DYNC1H1: variants seen among roughly 807,000 people sequenced by gnomAD.
The protein encoded by DYNC1H1 is cytoplasmic dynein 1 heavy chain 1.
In DYNC1H1, 51 loss-of-function variants were observed where a neutral mutation model predicts 527.1. The ratio of observed to expected loss-of-function variants is 0.10; its 90% CI spans 0.08 to 0.12. The LOEUF is 0.12. DYNC1H1 is among the 10% of genes least tolerant of loss of function. The pLI is 1.00. For synonymous variants in DYNC1H1, 2,189 were observed against 2,278.8 expected, an observed-to-expected ratio of 0.96 and a Z score of 1.12; for missense variants, 2,771 against 5,971.8, an observed-to-expected ratio of 0.46 and a Z score of 17.66.
rs377668381 is a variant in DYNC1H1, at chr14:102,027,763, G to A, written c.9193G>A (p.Val3065Met). 2.5e-5 allele frequency: 41 copies of A among 1,614,076 alleles called. No homozygotes were observed. The highest frequency in any genetic ancestry group is 6.7e-5 in the East Asian group (3 of 44,890). Residue 3065 changes from valine to methionine, a missense_variant, in exon 47 of 78, where the codon GTG becomes ATG. This residue lies in a region of DYNC1H1 where 84 missense variants were observed against 285.4 expected (regional missense o/e 0.29). Transcript: ENST00000360184. The surrounding 1 kb of genome is among the most constrained non-coding windows in gnomAD (Gnocchi z 7.7). Reference sequence around the variant, plus strand: ...CCAGGTTATCCGCAACCTCCACGTCGTGTTCACCATGAACCCGTCCTCGGA... The same window carrying A: ...CCAGGTTATCCGCAACCTCCACGTCATGTTCACCATGAACCCGTCCTCGGA... The part of the protein sequence containing the change: ...TSQVIRNLHV[V>M]FTMNPSSEGL...
rs1402817905 is a variant in DYNC1H1, at chr14:102,038,906, T to G, written c.11206+58T>G. ...GGTGCAGGGGAAGGGGCTGAACTTT[T>G]AAGTGACTAGGATGTTCCACGTTTG... On this transcript the variant is annotated intron_variant, in intron 59 of 77. Transcript: ENST00000360184. The surrounding 1 kb of genome is among the most constrained non-coding windows in gnomAD (Gnocchi z 7.2). The G allele has an allele frequency of 1.2e-6, 2 of 1,613,630 alleles. No homozygotes were observed. Among genetic ancestry groups the G allele is most frequent in the Non-Finnish European group, 1.7e-6 (2 of 1,179,892 alleles).
chr14:102,046,146 C>A (rs1227977022), intron 72 of DYNC1H1, among the ~76,000 whole-genome samples: 2 of 149,600 alleles, frequency 1.3e-5, no homozygotes, highest in African/African-American at 4.9e-5. Flanking sequence ...CCAGCCTGGG[C>A]GACAGAGCAA....
intron 11 of DYNC1H1, among the ~76,000 whole-genome samples, chr14:101,993,696 G>A (rs1314682227): frequency 2.6e-5 from 4 of 152,050 alleles, no homozygotes; most frequent in Non-Finnish European, 5.9e-5. Flanking sequence ...CTTTCCTGAC[G>A]TCATTACTGA....
At chr14:102,004,007 C>A (rs970513113) in intron 23 of DYNC1H1, among the ~76,000 whole-genome samples, 1 of 151,744 alleles carries the variant, frequency 6.6e-6, no homozygotes, top group African/African-American at 2.4e-5. Flanking sequence ...TTTGGGTGGC[C>A]GAGGCGGGCG....
chr14:101,966,810 C>T (rs767888335), intron 1 of DYNC1H1, among the ~76,000 whole-genome samples: 50 of 152,004 alleles, frequency 3.3e-4, no homozygotes, highest in Non-Finnish European at 6.5e-4. Flanking sequence ...TAAAATTGGA[C>T]GTTGCTAAAA....
chr14:102,043,628 T>G (rs2152597310), intron 69 of DYNC1H1: 2 of 560,940 alleles, frequency 3.6e-6, no homozygotes, highest in East Asian at 3.1e-5. Context: ...TTTCTGACAT[T>G]CTTAGAAACT....
chr14:102,041,982 C>G lies in DYNC1H1; in HGVS notation c.12103-31C>G. ...GACAGGTACACACTATTTGCTGGCA[C>G]TGTAATAACTTCTGCCTTCTTTGTT... On this transcript the variant is annotated intron_variant, in intron 65 of 77. Transcript: ENST00000360184. The surrounding 1 kb of genome is among the most constrained non-coding windows in gnomAD (Gnocchi z 4.5). 1 of 1,608,834 alleles carries G rather than the reference C, an allele frequency of 6.2e-7. No homozygotes were observed. Among genetic ancestry groups the G allele is most frequent in the Non-Finnish European group, 8.5e-7 (1 of 1,175,250 alleles).
intron 23 of DYNC1H1, among the ~76,000 whole-genome samples, chr14:102,004,001 G>A (rs1395251849): frequency 2.0e-5 from 3 of 151,784 alleles, no homozygotes; most frequent in Non-Finnish European, 4.4e-5. Flanking sequence ...CAGCACTTTG[G>A]GTGGCCGAGG....
At position 102,002,162 on chromosome 14, in the gene DYNC1H1, G is replaced by A. The variant is rs2048139100; in HGVS notation, c.4543-375G>A. Reference sequence around the variant, plus strand: ...GTCTCGCTCTGTCACCCAGGCTGGAGTGCAATGGCACGATCTCGGCTCACT... The same window carrying A: ...GTCTCGCTCTGTCACCCAGGCTGGAATGCAATGGCACGATCTCGGCTCACT... On this transcript the variant is annotated intron_variant, in intron 21 of 77. Transcript: ENST00000360184. The surrounding 1 kb of genome is among the most constrained non-coding windows in gnomAD (Gnocchi z 4.4). Among the ~76,000 whole-genome samples the A allele has an allele frequency of 6.6e-6, 1 of 151,384 alleles. No homozygotes were observed. Among genetic ancestry groups the A allele is most frequent in the Non-Finnish European group, 1.5e-5 (1 of 67,898 alleles).
rs2048321050 is a variant in DYNC1H1 at position 102,016,245 on chromosome 14, C to G, written c.7474-104C>G. ...AAAGGTGCAGTGGGTGTCTGTGATG[C>G]AAGAAGACTGGGAACCACTGTCTTT... On this transcript the variant is annotated intron_variant, in intron 36 of 77. Transcript: ENST00000360184. This position sits in a 1 kb window ranked among gnomAD's most constrained non-coding sequence, Gnocchi z 7.3. 3.3e-6 allele frequency: 5 copies of G among 1,534,166 alleles called. No individual in the cohort carries two copies. The African/African-American group carries it at 5.5e-5, about 17-fold the overall frequency.
chr14:102,034,327 C>T lies in DYNC1H1; in HGVS notation c.10629C>T (p.Phe3543=). ...SHHLQQANIQ[F]RTDIARTEYL... Reference sequence around the variant, plus strand: ...AAGGTAACGGCCTTGCCTTTCAGTTCCGTACAGATATTGCCAGGACGGAAT... The same window carrying T: ...AAGGTAACGGCCTTGCCTTTCAGTTTCGTACAGATATTGCCAGGACGGAAT... The change falls in exon 56 of 78, where the codon TTC becomes TTT. Residue 3543 remains phenylalanine (F), a splice_region_variant and synonymous_variant. Transcript: ENST00000360184. 1.2e-6 allele frequency: 2 copies of T among 1,614,222 alleles called. No individual in the cohort carries two copies. The highest frequency in any genetic ancestry group is 1.7e-6 in the Non-Finnish European group (2 of 1,180,046).
At chr14:101,998,879 C>CTTTTTTTTTTTTTTT (rs888317854) in intron 16 of DYNC1H1, among the ~76,000 whole-genome samples, 2 of 115,214 alleles carry the variant, frequency 1.7e-5, no homozygotes, top group Admixed American at 9.4e-5. Context: ...AAAACTTTTT[C>CTTTTTTTTTTTTTTT]TTTTTTTTTT....
chr14:102,021,370 C>CT, intron 42 of DYNC1H1, among the ~76,000 whole-genome samples: 1 of 152,318 alleles, frequency 6.6e-6, no homozygotes, highest in African/African-American at 2.4e-5. Flanking sequence ...GAGCAAGACC[C>CT]TGTCTCCCAC....
rs1437218843 is a variant in DYNC1H1 at position 101,994,567 on chromosome 14, G to C, written c.3157-106G>C. The C allele has an allele frequency of 4.1e-6, 6 of 1,458,692 alleles. No homozygotes were observed. In the East Asian group the frequency reaches 1.4e-4, roughly 34 times the overall value. 90.4% of individuals were successfully genotyped at this position (1,458,692 alleles called of 1,614,324 possible). ...GTCTGAAGTGAGAATTTCTCTAATA[G>C]TGGTGAAAGACATGAACCTTCTTAA... On this transcript the variant is annotated intron_variant, in intron 12 of 77. Transcript: ENST00000360184.
rs8014930 is a variant in DYNC1H1 at position 101,999,841 on chromosome 14, A to G, written c.3805-148A>G. ...TACTGTACACACATCCAAAGTGGAC[A>G]TCTTGTTGAATGTTTCCTTATGAAG... On this transcript the variant is annotated intron_variant, in intron 16 of 77. Coordinates refer to ENST00000360184, the MANE Select transcript of DYNC1H1 (RefSeq NM_001376.5). 135,721 of 1,083,620 alleles carry G rather than the reference A, an allele frequency of 0.13. 9,550 individuals are homozygous for G. Among genetic ancestry groups the G allele is most frequent in the East Asian group, 0.24 (9,225 of 39,030 alleles). 67.1% of individuals were successfully genotyped at this position (1,083,620 alleles called of 1,614,324 possible). A position where few individuals can be genotyped will look rare whatever the true frequency, so the allele number is the denominator to read the frequency against.
Position 101,979,899 on chromosome 14 carries a change from T to C in DYNC1H1, c.699T>C (p.Gly233=), listed in dbSNP as rs2047843455. 6.2e-7 allele frequency: 1 copy of C among 1,614,210 alleles called. No individual in the cohort carries two copies. The highest frequency in any genetic ancestry group is 2.2e-5 in the East Asian group (1 of 44,886). The change falls in exon 4 of 78, where the codon GGT becomes GGC. Residue 233 remains glycine, a synonymous_variant. Transcript: ENST00000360184. This position sits in a 1 kb window ranked among gnomAD's most constrained non-coding sequence, Gnocchi z 4.6. ...RGEKPKVTDF[G]DKVEDPTFLN... is the part of the protein sequence containing the mutation. ...AAAAGCCAAAAGTTACAGACTTTGG[T>C]GATAAGGTTGAAGACCCAACATTTC...
In DYNC1H1 at chr14:102,010,517, T is replaced by A; in HGVS notation, c.6405+58T>A. On this transcript the variant is annotated intron_variant, in intron 31 of 77. Coordinates refer to ENST00000360184, the MANE Select transcript of DYNC1H1 (RefSeq NM_001376.5). This position sits in a 1 kb window ranked among gnomAD's most constrained non-coding sequence, Gnocchi z 6.0. ...TATACGTTATTTAAATTTACCTTTT[T>A]AACATTTAAGCCATGACTTGTGAGT... is the stretch of plus-strand genomic sequence containing the variant. 6.3e-7 allele frequency: 1 copy of A among 1,591,140 alleles called. No homozygotes were observed.
intron 1 of DYNC1H1, among the ~76,000 whole-genome samples, chr14:101,972,166 G>C (rs1435743329): frequency 6.6e-6 from 1 of 151,318 alleles, no homozygotes; most frequent in East Asian, 1.9e-4. Flanking sequence ...TAGCCTCTTT[G>C]TTATTAAGAA....
chr14:102,006,868 G>T (rs2048203233), intron 27 of DYNC1H1, 140 bp from the exon 28 acceptor site: 1 of 843,034 alleles, frequency 1.2e-6, no homozygotes, highest in African/African-American at 1.7e-5. Context: ...CCGAAGTGCT[G>T]GGATTACAGG....
Sources: gnomAD v4.1 joint callset for allele counts (sites outside exome capture counted in the v4.1 genomes callset) on GRCh38, gnomAD v4.1.1 for gene constraint, gnomAD v4.1.1 regional missense constraint, Gnocchi (gnomAD v3.1) non-coding constraint, MANE v1.5 for transcripts, NCBI Gene and HGNC (gene_info 2026-07-23, HGNC 2026-07-21) for gene names.